The following SWAP70 variants were observed in gnomAD, a reference collection of about 807,000 sequenced individuals.
SWAP70 encodes switch-associated protein 70.
Under a neutral mutation model 80.2 loss-of-function variants are expected in SWAP70, and 34 were observed. The observed-to-expected ratio is 0.42, with a 90% CI of 0.32 to 0.56. The LOEUF is 0.56. SWAP70 is among the 20% of genes least tolerant of loss of function. SWAP70 has a pLI of 0.09. For synonymous variants in SWAP70, 239 were observed against 238.5 expected (o/e 1.00, Z -0.02); for missense variants, 578 against 690.7 (o/e 0.84, Z 1.83).
chr11:9,674,647 G>A lies in SWAP70; in HGVS notation c.99+10369G>A, dbSNP rs545638514. ...AGTGCCACTGTATTGCAGCCTGGGT[G>A]ACAGAGCAAGACTTTGTCTCAAAAA... On this transcript the variant is annotated intron_variant, in intron 1 of 11. Coordinates refer to ENST00000318950, the MANE Select transcript of SWAP70 (RefSeq NM_015055.4). 4.1e-4 allele frequency among the ~76,000 whole-genome samples: 63 copies of A among 152,202 alleles called. 1 individual carries two copies. Among genetic ancestry groups the A allele is most frequent in the African/African-American group, 1.4e-3 (60 of 41,528 alleles).
chr11:9,740,467 C>A, intron 9 of SWAP70, 120 bp downstream of exon 9: 1 of 1,013,130 alleles, frequency 9.9e-7, no homozygotes, highest in Non-Finnish European at 1.5e-6. Flanking sequence ...TGTGACTGAG[C>A]TCGAGGTGCT....
chr11:9,688,867 C>T (rs1451306814), intron 1 of SWAP70, among the ~76,000 whole-genome samples: 1 of 152,092 alleles, frequency 6.6e-6, no homozygotes, highest in Non-Finnish European at 1.5e-5. Flanking sequence ...ATGGGCAGGA[C>T]TTAGAGTAGA....
chr11:9,724,155 A>T (rs1055908978), intron 3 of SWAP70, among the ~76,000 whole-genome samples: 1 of 152,238 alleles, frequency 6.6e-6, no homozygotes, highest in African/African-American at 2.4e-5. Flanking sequence ...TGCTCATGCT[A>T]GGTATTCCAC....
intron 2 of SWAP70, among the ~76,000 whole-genome samples, chr11:9,704,472 G>A (rs545540416): frequency 2.6e-5 from 4 of 151,718 alleles, no homozygotes; most frequent in Non-Finnish European, 5.9e-5. Flanking sequence ...TCAGCTCACT[G>A]CAACCTCCAC....
intron 1 of SWAP70, among the ~76,000 whole-genome samples, chr11:9,684,081 T>A (rs181707834): frequency 6.0e-4 from 92 of 152,216 alleles, no homozygotes; most frequent in Non-Finnish European, 8.8e-4. Context: ...CTTTCTTAAA[T>A]TAAAAAATTT....
chr11:9,695,460 G>A (rs1369723083), intron 2 of SWAP70, among the ~76,000 whole-genome samples: 2 of 152,270 alleles, frequency 1.3e-5, no homozygotes, highest in East Asian at 3.9e-4. Context: ...GTGAGATCAT[G>A]TCCTTTGCAG....
intron 10 of SWAP70, 56 bp downstream of exon 10, chr11:9,748,112 CAAT>C: frequency 1.3e-6 from 2 of 1,526,894 alleles, no homozygotes; most frequent in Non-Finnish European, 1.8e-6. Context: ...AAACATTTCT[CAAT>C]AATAGAATTA....
intron 2 of SWAP70, among the ~76,000 whole-genome samples, chr11:9,699,676 G>C (rs1290883090): frequency 1.3e-5 from 2 of 151,958 alleles, no homozygotes; most frequent in African/African-American, 4.8e-5. Context: ...GTGACATAGT[G>C]AGATCCTATC....
chr11:9,676,169 T>A (rs1477226648), intron 1 of SWAP70, among the ~76,000 whole-genome samples: 2 of 152,236 alleles, frequency 1.3e-5, no homozygotes, highest in African/African-American at 4.8e-5. Flanking sequence ...CCGTATAGTT[T>A]AAGACTGTAT....
chr11:9,669,334 A>AT (rs1169008071), intron 1 of SWAP70, among the ~76,000 whole-genome samples: 1 of 152,094 alleles, frequency 6.6e-6, no homozygotes, highest in African/African-American at 2.4e-5. Flanking sequence ...GGTTCAAGAG[A>AT]TTCTTCTGCT....
At chr11:9,730,971 C>T (rs905268665) in intron 6 of SWAP70, among the ~76,000 whole-genome samples, 6 of 152,162 alleles carry the variant, frequency 3.9e-5, no homozygotes, top group African/African-American at 1.4e-4. Context: ...CTGCTGTTGC[C>T]ACTTTTATGT....
chr11:9,676,203 G>A (rs1039076071), intron 1 of SWAP70, among the ~76,000 whole-genome samples: 1 of 152,198 alleles, frequency 6.6e-6, no homozygotes, highest in East Asian at 1.9e-4. Context: ...TGCAATTTTA[G>A]TATATTCTGT....
intron 1 of SWAP70, among the ~76,000 whole-genome samples, chr11:9,693,352 C>G (rs1297599685): frequency 6.6e-6 from 1 of 152,136 alleles, no homozygotes; most frequent in Non-Finnish European, 1.5e-5. Context: ...AACTACTGTA[C>G]CTGGACTTTG....
At chr11:9,699,368 G>A (rs1234369261) in intron 2 of SWAP70, among the ~76,000 whole-genome samples, 1 of 152,080 alleles carries the variant, frequency 6.6e-6, no homozygotes, top group Admixed American at 6.5e-5. Flanking sequence ...TAAAGCCTCA[G>A]CACTTTACAG....
chr11:9,711,915 C>T (rs148901831), intron 2 of SWAP70, among the ~76,000 whole-genome samples: 18 of 152,306 alleles, frequency 1.2e-4, no homozygotes, highest in Non-Finnish European at 1.8e-4. Flanking sequence ...GCACCAGGTG[C>T]CCCATTCACA....
intron 2 of SWAP70, among the ~76,000 whole-genome samples, chr11:9,702,062 G>C (rs1418264449): frequency 6.6e-6 from 1 of 152,204 alleles, no homozygotes; most frequent in Non-Finnish European, 1.5e-5. Context: ...GAAAAACACA[G>C]AGAAACTTTT....
At chr11:9,710,289 C>G (rs568657196) in intron 2 of SWAP70, among the ~76,000 whole-genome samples, 3 of 152,232 alleles carry the variant, frequency 2.0e-5, no homozygotes, top group East Asian at 3.9e-4. Flanking sequence ...TATAGTAAGT[C>G]TTCAAGGTGA....
intron 6 of SWAP70, among the ~76,000 whole-genome samples, chr11:9,730,071 T>A (rs1451624523): frequency 6.6e-6 from 1 of 152,188 alleles, no homozygotes; most frequent in Non-Finnish European, 1.5e-5. Flanking sequence ...ATCACTCGCA[T>A]AGTTGCTGTT....
chr11:9,693,083 C>T (rs1029386505), intron 1 of SWAP70, among the ~76,000 whole-genome samples: 2 of 152,082 alleles, frequency 1.3e-5, no homozygotes, highest in African/African-American at 4.8e-5. Flanking sequence ...GAAAAAGGGA[C>T]TCGCTTAATG....
Sources: gnomAD v4.1 joint callset for allele counts (sites outside exome capture counted in the v4.1 genomes callset) on GRCh38, gnomAD v4.1.1 for gene constraint, MANE v1.5 for transcripts, NCBI Gene and HGNC (gene_info 2026-07-23, HGNC 2026-07-21) for gene names.